The following CLDN16 variants were observed in gnomAD, a reference collection of about 807,000 sequenced individuals.
CLDN16 encodes the protein claudin-16.
CLDN16 carries 13 observed loss-of-function variants against 24.6 expected under a neutral mutation model. The ratio of observed to expected loss-of-function variants is 0.53; its 90% CI spans 0.34 to 0.84. CLDN16 has a LOEUF of 0.84. CLDN16 is among the 40% of genes least tolerant of loss of function. The pLI, the probability that CLDN16 is intolerant of heterozygous loss-of-function variation, is 0.01. For synonymous variants in CLDN16, 116 were observed against 106.7 expected, an observed-to-expected ratio of 1.09 and a Z score of -0.54; for missense variants, 298 against 292.7, an observed-to-expected ratio of 1.02 and a Z score of -0.13.
chr3:190,329,952 G>A (rs1165994814), intron 1 of CLDN16, among the ~76,000 whole-genome samples: 1 of 151,998 alleles, frequency 6.6e-6, no homozygotes, highest in Non-Finnish European at 1.5e-5. Flanking sequence ...AAAGTATGAT[G>A]GGGTTGGATT....
At chr3:190,398,261 AT>A (rs1270769347) in intron 1 of CLDN16, among the ~76,000 whole-genome samples, 1 of 152,198 alleles carries the variant, frequency 6.6e-6, no homozygotes, top group Non-Finnish European at 1.5e-5. Context: ...TTAACAAAAG[AT>A]AACTTTATTC....
chr3:190,349,655 T>A (rs1717628838), intron 1 of CLDN16, among the ~76,000 whole-genome samples: 1 of 152,206 alleles, frequency 6.6e-6, no homozygotes, highest in South Asian at 2.1e-4. Context: ...CCCTGTGACT[T>A]GTGTTATCCA....
At chr3:190,297,511 TA>T in the CLDN16 span, among the ~76,000 whole-genome samples, 15 of 142,526 alleles carry the variant, frequency 1.1e-4, no homozygotes, top group Non-Finnish European at 1.5e-4. Context: ...TATCTATATA[TA>T]GATATGTATA....
At chr3:190,339,466 A>G (rs1361476599) in intron 1 of CLDN16, among the ~76,000 whole-genome samples, 1 of 152,236 alleles carries the variant, frequency 6.6e-6, no homozygotes, top group Non-Finnish European at 1.5e-5. Context: ...AGAAAGCTCA[A>G]TCTGGCAGCA....
At chr3:190,290,602 A>C in the CLDN16 span, among the ~76,000 whole-genome samples, 1 of 152,210 alleles carries the variant, frequency 6.6e-6, no homozygotes, top group Non-Finnish European at 1.5e-5. Flanking sequence ...GTAAGTGATA[A>C]AAGCAATTTA....
the CLDN16 span, chr3:190,312,915 C>T: frequency 6.2e-7 from 1 of 1,614,202 alleles, no homozygotes; most frequent in Non-Finnish European, 8.5e-7. Context: ...CCATCCTCAT[C>T]TTCTGCACCT....
chr3:190,340,727 A>G (rs946316805), intron 1 of CLDN16, among the ~76,000 whole-genome samples: 1 of 152,172 alleles, frequency 6.6e-6, no homozygotes, highest in Non-Finnish European at 1.5e-5. Context: ...CATTAACTCA[A>G]AAGTCCAAAA....
At chr3:190,368,175 T>C (rs1718063257) in intron 1 of CLDN16, among the ~76,000 whole-genome samples, 1 of 151,984 alleles carries the variant, frequency 6.6e-6, no homozygotes, top group Non-Finnish European at 1.5e-5. Context: ...GCAGAATTGA[T>C]GATCTGTTAC....
At chr3:190,353,131 A>G (rs936149111) in intron 1 of CLDN16, among the ~76,000 whole-genome samples, 4 of 152,112 alleles carry the variant, frequency 2.6e-5, no homozygotes, top group African/African-American at 9.7e-5. Flanking sequence ...GAGCATTAAT[A>G]CAAAGTCACA....
chr3:190,384,952 T>G (rs1184109217), upstream of CLDN16, among the ~76,000 whole-genome samples: 1 of 152,204 alleles, frequency 6.6e-6, no homozygotes, highest in Non-Finnish European at 1.5e-5. Flanking sequence ...TATTTCTAAC[T>G]AATATGCCTA....
upstream of CLDN16, among the ~76,000 whole-genome samples, chr3:190,386,130 G>C (rs1053335495): frequency 4.6e-5 from 7 of 151,634 alleles, no homozygotes; most frequent in African/African-American, 1.4e-4. Flanking sequence ...TTTTGGAATT[G>C]GTTTGCTCTC....
upstream of CLDN16, among the ~76,000 whole-genome samples, chr3:190,386,442 C>A (rs1413561826): frequency 6.6e-6 from 1 of 152,050 alleles, no homozygotes; most frequent in Non-Finnish European, 1.5e-5. Context: ...GTACTGGATC[C>A]TACACACACT....
At chr3:190,409,831 C>T in intron 4 of CLDN16, 72 bp from the exon 5 acceptor site, 7 of 1,376,734 alleles carry the variant, frequency 5.1e-6, no homozygotes, top group Non-Finnish European at 7.2e-6. Context: ...TGAGGAAGAA[C>T]ATATAAAATG....
At chr3:190,335,023 C>CTTTTTTTT (rs57744577) in intron 1 of CLDN16, among the ~76,000 whole-genome samples, 5 of 134,342 alleles carry the variant, frequency 3.7e-5, no homozygotes, top group Non-Finnish European at 6.5e-5. Flanking sequence ...TTTCTTTTTT[C>CTTTTTTTT]TTTTTTTTTT....
At chr3:190,324,182 A>T (rs779761003) in intron 1 of CLDN16, among the ~76,000 whole-genome samples, 5 of 152,128 alleles carry the variant, frequency 3.3e-5, no homozygotes, top group Non-Finnish European at 7.4e-5. Context: ...ATTATTAAAC[A>T]CCCGGGCACG....
At chr3:190,381,556 T>C (rs769958977) in intron 3 of CLDN16, among the ~76,000 whole-genome samples, 3 of 152,134 alleles carry the variant, frequency 2.0e-5, no homozygotes, top group Non-Finnish European at 2.9e-5. Flanking sequence ...TCCTACTGCC[T>C]CTAGGCCCTT....
chr3:190,408,518 T>C lies in CLDN16; in HGVS notation c.574+13T>C, dbSNP rs371937607. 4.3e-6 allele frequency: 7 copies of C among 1,612,032 alleles called. No individual in the cohort carries two copies. In the African/African-American group the frequency reaches 6.7e-5, roughly 15 times the overall value. ...TATCTTTTTAAAGGTAAGAATAAAA[T>C]AAAATAGCAAATTTCCTTGCCTCCA... is the stretch of plus-strand genomic sequence containing the variant. On this transcript the variant is annotated intron_variant, in intron 4 of 4. Transcript: ENST00000264734.
At chr3:190,387,516 C>T (rs143752838), upstream of CLDN16, among the ~76,000 whole-genome samples, 17 of 152,270 alleles carry the variant, frequency 1.1e-4, no homozygotes, top group African/African-American at 4.1e-4. Context: ...TTTTATTCCT[C>T]ATATGAAGAA....
At chr3:190,407,791 G>C (rs1208278738) in intron 3 of CLDN16, among the ~76,000 whole-genome samples, 1 of 152,188 alleles carries the variant, frequency 6.6e-6, no homozygotes, top group Non-Finnish European at 1.5e-5. Flanking sequence ...ACTGAAATCA[G>C]TGACTTTAAA....
Sources: gnomAD v4.1 joint callset for allele counts (sites outside exome capture counted in the v4.1 genomes callset) on GRCh38, gnomAD v4.1.1 for gene constraint, MANE v1.5 for transcripts, NCBI Gene and HGNC (gene_info 2026-07-23, HGNC 2026-07-21) for gene names.